Variants in EVI5 observed in about 807,000 individuals in gnomAD.
EVI5 encodes the protein ecotropic viral integration site 5.
Under a neutral mutation model 112.0 loss-of-function variants are expected in EVI5, and 73 were observed. The ratio of observed to expected loss-of-function variants is 0.65; its 90% CI spans 0.54 to 0.79. EVI5 has a LOEUF of 0.79. Ranked by LOEUF, EVI5 falls within the 30% of genes least tolerant of loss-of-function variation. The pLI is 0.00. For missense variants in EVI5, 900 were observed against 968.8 expected (o/e 0.93, Z 0.94); for synonymous variants, 305 against 319.9 (o/e 0.95, Z 0.50).
intron 14 of EVI5, among the ~76,000 whole-genome samples, chr1:92,629,820 C>A (rs1032028745): frequency 2.4e-5 from 3 of 124,592 alleles, no homozygotes; most frequent in African/African-American, 5.9e-5. Context: ...TCCACCCTCC[C>A]CCCACCCCAA....
intron 13 of EVI5, among the ~76,000 whole-genome samples, chr1:92,648,441 T>C (rs985776674): frequency 2.0e-5 from 3 of 151,950 alleles, no homozygotes; most frequent in African/African-American, 7.2e-5. Context: ...TCTTATAGTA[T>C]ATTAAGAATG....
intron 10 of EVI5, among the ~76,000 whole-genome samples, chr1:92,667,538 G>A (rs1665132276): frequency 6.6e-6 from 1 of 152,110 alleles, no homozygotes; most frequent in African/African-American, 2.4e-5. Context: ...TTAAATCCAA[G>A]TCACTCTACA....
intron 1 of EVI5, among the ~76,000 whole-genome samples, chr1:92,777,362 T>C (rs1684284262): frequency 6.6e-6 from 1 of 152,220 alleles, no homozygotes; most frequent in Admixed American, 6.6e-5. Context: ...CCCAATCCAT[T>C]TCTCCAGGCA....
intron 1 of EVI5, among the ~76,000 whole-genome samples, chr1:92,778,500 G>C (rs1315896056): frequency 6.6e-6 from 1 of 152,086 alleles, no homozygotes; most frequent in Admixed American, 6.6e-5. Flanking sequence ...TATACTAAAT[G>C]TTCTTTGGCT....
chr1:92,576,879 C>T (rs571907238), intron 18 of EVI5, among the ~76,000 whole-genome samples: 1 of 152,124 alleles, frequency 6.6e-6, no homozygotes, highest in Non-Finnish European at 1.5e-5. Context: ...CAATGATAAC[C>T]ACTGGAATAT....
chr1:92,576,720 C>G (rs1300252269), intron 18 of EVI5, among the ~76,000 whole-genome samples: 1 of 152,182 alleles, frequency 6.6e-6, no homozygotes, highest in Non-Finnish European at 1.5e-5. Flanking sequence ...CCCACTGATT[C>G]TGGTTCCTAG....
At chr1:92,791,115 C>T (rs901675478) in intron 1 of EVI5, among the ~76,000 whole-genome samples, 5 of 152,172 alleles carry the variant, frequency 3.3e-5, no homozygotes, top group Admixed American at 1.3e-4. Flanking sequence ...CAGAATGGGA[C>T]ATCAATAGTG....
chr1:92,547,354 T>G (rs1047394722), intron 19 of EVI5, among the ~76,000 whole-genome samples: 10 of 152,182 alleles, frequency 6.6e-5, no homozygotes, highest in East Asian at 1.9e-4. Flanking sequence ...AAGCAGTGTG[T>G]AGAGGGAAAT....
intron 9 of EVI5, among the ~76,000 whole-genome samples, chr1:92,679,392 CTGAAA>C (rs1386829185): frequency 6.6e-6 from 1 of 152,166 alleles, no homozygotes; most frequent in Admixed American, 6.5e-5. Context: ...AGCTGCACTA[CTGAAA>C]TAAGTTTATA....
chr1:92,519,587 G>A (rs1256730505), intron 19 of EVI5, among the ~76,000 whole-genome samples: 1 of 152,054 alleles, frequency 6.6e-6, no homozygotes, highest in Non-Finnish European at 1.5e-5. Flanking sequence ...CTGATATATG[G>A]ATGAACTTCA....
rs548378401 is a variant in EVI5 at position 92,748,429 on chromosome 1, G to A, written c.-81-11802C>T. Among the ~76,000 whole-genome samples, 7 of 152,290 alleles carry A rather than the reference G, an allele frequency of 4.6e-5. No individual in the cohort carries two copies. The East Asian group carries it at 7.7e-4, about 17-fold the overall frequency. ...AGTCTTCCCAGCTGAGACCAAAGAC[G>A]TGAAGCAGAGACAAGTCCTCTTCAT... On this transcript the variant is annotated intron_variant, in intron 1 of 19. Transcript: ENST00000684568.
intron 13 of EVI5, among the ~76,000 whole-genome samples, chr1:92,637,608 C>T (rs1659149889): frequency 6.6e-6 from 1 of 152,062 alleles, no homozygotes; most frequent in Non-Finnish European, 1.5e-5. Flanking sequence ...AAAATACTTT[C>T]TAAAATAAAT....
At chr1:92,553,332 T>C (rs1252615820) in intron 19 of EVI5, among the ~76,000 whole-genome samples, 2 of 131,432 alleles carry the variant, frequency 1.5e-5, no homozygotes, top group East Asian at 2.3e-4. Context: ...AGATGGAGTC[T>C]CACTCTGCCA....
chr1:92,735,167 T>C (rs1329242649), intron 2 of EVI5, among the ~76,000 whole-genome samples: 3 of 152,316 alleles, frequency 2.0e-5, no homozygotes, highest in African/African-American at 7.2e-5. Flanking sequence ...TTATGGCATT[T>C]AATAGCAACA....
chr1:92,660,602 G>A (rs1663823660), intron 13 of EVI5, among the ~76,000 whole-genome samples: 1 of 151,982 alleles, frequency 6.6e-6, no homozygotes. Flanking sequence ...ACAAAGGAAT[G>A]TTCGAGGCAA....
chr1:92,548,394 CTGAA>C (rs1666168102), intron 19 of EVI5, among the ~76,000 whole-genome samples: 1 of 152,186 alleles, frequency 6.6e-6, no homozygotes, highest in Admixed American at 6.5e-5. Context: ...CAATATCATA[CTGAA>C]TGGACAAAAA....
At chr1:92,639,324 T>C (rs923794532) in intron 13 of EVI5, among the ~76,000 whole-genome samples, 5 of 151,994 alleles carry the variant, frequency 3.3e-5, no homozygotes, top group Non-Finnish European at 5.9e-5. Context: ...TAAAAAAAAA[T>C]CTTCAATATT....
chr1:92,773,571 G>A (rs1683729783), intron 1 of EVI5, among the ~76,000 whole-genome samples: 1 of 152,120 alleles, frequency 6.6e-6, no homozygotes, highest in African/African-American at 2.4e-5. Context: ...GAGCCCAGGA[G>A]CTCAAGGCTG....
intron 19 of EVI5, among the ~76,000 whole-genome samples, chr1:92,536,950 A>G (rs1392650164): frequency 6.6e-6 from 1 of 152,152 alleles, no homozygotes; most frequent in Non-Finnish European, 1.5e-5. Flanking sequence ...TTATAATTAT[A>G]TAATGCTTTA....
Sources: allele counts gnomAD v4.1 joint callset (sites outside exome capture counted in the v4.1 genomes callset), GRCh38; gene constraint gnomAD v4.1.1; transcripts MANE v1.5; gene names NCBI Gene and HGNC (gene_info 2026-07-23, HGNC 2026-07-21).